The following RXRA variants were observed in gnomAD, a reference collection of about 807,000 sequenced individuals.
RXRA encodes the protein retinoid X receptor alpha, also known as retinoic acid receptor RXR-alpha.
Under a neutral mutation model 44.5 loss-of-function variants are expected in RXRA, and 5 were observed. That is an observed-to-expected ratio of 0.11 (90% confidence interval 0.06 to 0.24). The LOEUF is 0.24. Among genes scored for constraint, RXRA ranks in the 10% least tolerant of loss-of-function variants. The probability of loss-of-function intolerance (pLI) is 1.00; values close to 1 mark genes in which losing one functional copy is unlikely to be tolerated. For synonymous variants in RXRA, 291 were observed against 271.4 expected (o/e 1.07, Z -0.71); for missense variants, 412 against 646.5 (o/e 0.64, Z 3.93).
Position 134,342,703 on chromosome 9 carries a change from C to A in RXRA, c.28+16044C>A, listed in dbSNP as rs1554748235. Among the ~76,000 whole-genome samples the A allele has an allele frequency of 6.6e-6, 1 of 152,116 alleles. No homozygotes were observed. The highest frequency in any genetic ancestry group is 2.4e-5 in the African/African-American group (1 of 41,424). ...TGTGTGGTCTCCAGGGCTGAGATGG[C>A]TGGTGTGGGCCGCCCTGACCTGGTG... On this transcript the variant is annotated intron_variant, in intron 1 of 9. Coordinates refer to ENST00000481739, the MANE Select transcript of RXRA (RefSeq NM_002957.6). This position sits in a 1 kb window ranked among gnomAD's most constrained non-coding sequence, Gnocchi z 4.4.
chr9:134,332,862 C>T (rs1835027014), intron 1 of RXRA, among the ~76,000 whole-genome samples: 1 of 152,048 alleles, frequency 6.6e-6, no homozygotes, highest in East Asian at 2.0e-4. Flanking sequence ...GCCTTGCACC[C>T]TTGCCCTGGC....
At chr9:134,391,827 C>A (rs1054490864) in intron 1 of RXRA, among the ~76,000 whole-genome samples, 1 of 152,216 alleles carries the variant, frequency 6.6e-6, no homozygotes, top group African/African-American at 2.4e-5. Context: ...AGGCGTTGAC[C>A]CGGCAGCTCT....
Position 134,365,592 on chromosome 9 carries a change from G to C in RXRA, c.29-36040G>C, listed in dbSNP as rs1830404623. Among the ~76,000 whole-genome samples the C allele has an allele frequency of 6.6e-6, 1 of 152,158 alleles. No homozygotes were observed. The highest frequency in any genetic ancestry group is 6.5e-5 in the Admixed American group (1 of 15,284). ...TAGGGGGTGATCTGCTTGTCCAGTG[G>C]TTTCTGTGGCTTTTCTGGGGTCCTG... On this transcript the variant is annotated intron_variant, in intron 1 of 9. Coordinates refer to ENST00000481739, the MANE Select transcript of RXRA (RefSeq NM_002957.6). The surrounding 1 kb of genome is among the most constrained non-coding windows in gnomAD (Gnocchi z 4.0).
rs34182377 is a variant in RXRA, at chr9:134,423,917, C to T, written c.910+2112C>T. The T allele has an allele frequency of 7.6e-4, 751 of 985,416 alleles. 1 individual carries two copies. In the African/African-American group the frequency reaches 0.012, roughly 16 times the overall value. The allele number at this position is 985,416 out of a possible 1,614,324, so 61.0% of individuals were successfully genotyped here. ...CAGACCGATCCAGAGAACAGCTGGC[C>T]GCACGCAGCTCTTTTCCTGGGGATC... is the stretch of plus-strand genomic sequence containing the variant. On this transcript the variant is annotated intron_variant, in intron 6 of 9. Coordinates refer to ENST00000481739, the MANE Select transcript of RXRA (RefSeq NM_002957.6).
At chr9:134,381,005 G>A (rs1359369563) in intron 1 of RXRA, among the ~76,000 whole-genome samples, 1 of 152,196 alleles carries the variant, frequency 6.6e-6, no homozygotes, top group Non-Finnish European at 1.5e-5. Flanking sequence ...GGAGGTGCAG[G>A]GCCCAGTCAG....
At chr9:134,424,181 G>T (rs1418545362) in intron 6 of RXRA, 2 of 985,234 alleles carry the variant, frequency 2.0e-6, no homozygotes, top group Non-Finnish European at 2.4e-6. Context: ...CTCTTAGGTG[G>T]GCACCTGCCT....
At chr9:134,346,588 G>GACT (rs1263521399) in intron 1 of RXRA, among the ~76,000 whole-genome samples, 2 of 152,238 alleles carry the variant, frequency 1.3e-5, no homozygotes, top group Non-Finnish European at 2.9e-5. Flanking sequence ...GGTGCCCAGG[G>GACT]ACTGCAGGAC....
intron 6 of RXRA, chr9:134,427,033 G>C: frequency 1.0e-6 from 1 of 982,188 alleles, no homozygotes; most frequent in Non-Finnish European, 1.2e-6. Flanking sequence ...CGGGGCTCCT[G>C]TCCAAGTCTC....
chr9:134,381,997 G>C (rs551707345), intron 1 of RXRA, among the ~76,000 whole-genome samples: 2 of 152,158 alleles, frequency 1.3e-5, no homozygotes, highest in Non-Finnish European at 2.9e-5. Context: ...CCCTCCCCAC[G>C]TCTCCTCCTC....
chr9:134,337,876 A>G (rs1398602510), intron 1 of RXRA, among the ~76,000 whole-genome samples: 1 of 152,064 alleles, frequency 6.6e-6, no homozygotes, highest in African/African-American at 2.4e-5. Context: ...CTCTCCAAAA[A>G]GAAACGAGAC....
rs1001179274 is a variant in RXRA, at chr9:134,440,390, G to A, written c.*3776G>A. 1.3e-5 allele frequency: 2 copies of A among 152,578 alleles called. No homozygotes were observed. The highest frequency in any genetic ancestry group is 4.8e-5 in the African/African-American group (2 of 41,442). The allele number at this position is 152,578 out of a possible 1,614,324, so 9.5% of individuals were successfully genotyped here. A position where few individuals can be genotyped will look rare whatever the true frequency, so the allele number is the denominator to read the frequency against. Reference sequence around the variant, plus strand: ...TTAAAGCCTTGCTCTGTTGTGTCCTGTTGCCGGCTCTGGCCTTCCTGTGAC... The same window carrying A: ...TTAAAGCCTTGCTCTGTTGTGTCCTATTGCCGGCTCTGGCCTTCCTGTGAC... On this transcript the variant is annotated 3_prime_UTR_variant, in exon 10 of 10. Coordinates refer to ENST00000481739, the MANE Select transcript of RXRA (RefSeq NM_002957.6).
At chr9:134,424,406 C>G (rs558762341) in intron 6 of RXRA, 3 of 985,454 alleles carry the variant, frequency 3.0e-6, no homozygotes, top group Admixed American at 1.2e-4. Flanking sequence ...CTGACCTCCC[C>G]CTGGGCGCCC....
Position 134,427,159 on chromosome 9 carries a change from T to C in RXRA, c.911-1949T>C, listed in dbSNP as rs34229688. The stretch of plus-strand genomic sequence containing the variant: ...CAAATGTGATGCTACAGATGTTTCA[T>C]TGGGCAAAAACAAAAAAAAAAAAAA... On this transcript the variant is annotated intron_variant, in intron 6 of 9. Coordinates refer to ENST00000481739, the MANE Select transcript of RXRA (RefSeq NM_002957.6). 3.6e-4 allele frequency: 355 copies of C among 983,946 alleles called. 1 individual carries two copies. In the Admixed American group the frequency reaches 3.9e-3, roughly 11 times the overall value. The allele number at this position is 983,946 out of a possible 1,614,324, so 61.0% of individuals were successfully genotyped here. A position where few individuals can be genotyped will look rare whatever the true frequency, so the allele number is the denominator to read the frequency against.
chr9:134,427,843 G>A (rs1831460088), intron 6 of RXRA, among the ~76,000 whole-genome samples: 1 of 152,240 alleles, frequency 6.6e-6, no homozygotes, highest in Non-Finnish European at 1.5e-5. Context: ...GGGATTAAGT[G>A]GGAAATTAAT....
chr9:134,360,214 C>T (rs1338104325), intron 1 of RXRA, among the ~76,000 whole-genome samples: 2 of 152,196 alleles, frequency 1.3e-5, no homozygotes, highest in Non-Finnish European at 1.5e-5. Context: ...TCAGTAGCCT[C>T]GGTGGGGGGC....
intron 1 of RXRA, among the ~76,000 whole-genome samples, chr9:134,353,293 G>A (rs1554749696): frequency 5.9e-5 from 9 of 152,154 alleles, no homozygotes; most frequent in Admixed American, 5.2e-4. Context: ...GGTATCCCTG[G>A]TGTGCAGAGG....
intron 9 of RXRA, among the ~76,000 whole-genome samples, chr9:134,435,199 A>G (rs1379020707): frequency 6.6e-6 from 1 of 152,180 alleles, no homozygotes; most frequent in Non-Finnish European, 1.5e-5. Flanking sequence ...GTTAATAATT[A>G]ATGAGGTCCT....
At chr9:134,427,254 G>A (rs2119199977) in intron 6 of RXRA, 1 of 730,808 alleles carries the variant, frequency 1.4e-6, no homozygotes, top group East Asian at 1.3e-4. Context: ...GCTCGGCTGA[G>A]CCCTGGGATG....
chr9:134,327,338 G>C (rs1302455504), intron 1 of RXRA, among the ~76,000 whole-genome samples: 1 of 152,180 alleles, frequency 6.6e-6, no homozygotes, highest in South Asian at 2.1e-4. Context: ...GCAGAGGCGC[G>C]TAGGGTCAGT....
Sources: allele counts gnomAD v4.1 joint callset (sites outside exome capture counted in the v4.1 genomes callset), GRCh38; gene constraint gnomAD v4.1.1; non-coding constraint Gnocchi (gnomAD v3.1); transcripts MANE v1.5; gene names NCBI Gene and HGNC (gene_info 2026-07-23, HGNC 2026-07-21).